The following TEK variants were observed in gnomAD, a reference collection of about 807,000 sequenced individuals.
TEK encodes the protein TEK receptor tyrosine kinase, also known as angiopoietin-1 receptor.
In TEK, 43 loss-of-function variants were observed where a neutral mutation model predicts 131.8. The ratio of observed to expected loss-of-function variants is 0.33; its 90% CI spans 0.26 to 0.42. The LOEUF (loss-of-function observed/expected upper bound fraction) is 0.42, where lower values mean the gene tolerates loss of function less well. TEK is among the 10% of genes least tolerant of loss of function. The probability of loss-of-function intolerance (pLI) is 1.00; values close to 1 mark genes in which losing one functional copy is unlikely to be tolerated. For synonymous variants in TEK, 580 were observed against 491.6 expected (o/e 1.18, Z -2.38); for missense variants, 1,162 against 1,384.4 (o/e 0.84, Z 2.55).
In TEK at chr9:27,197,522, A is replaced by G. The variant is rs1306527531; in HGVS notation, c.1832A>G (p.Tyr611Cys). The change falls in exon 12 of 23, where the codon TAC becomes TGC. Residue 611 changes from tyrosine (Y) to cysteine (C), a missense_variant. Physicochemically the swap from Tyr to Cys is radical, Grantham distance 194. Around this residue, in one of 6 missense-constraint regions of TEK, gnomAD observed 477 missense variants for 471.0 expected, o/e 1.01. Transcript: ENST00000380036. The stretch of plus-strand genomic sequence containing the variant: ...AACAACTTACATCCCAGGGAGCAGT[A>G]CGTGGTCCGAGCTAGAGTCAACACC... ...LLNNLHPREQYVVRARVNTKA... is the reference protein window; with the variant it reads ...LLNNLHPREQCVVRARVNTKA... 1 of 1,614,024 alleles carries G rather than the reference A, an allele frequency of 6.2e-7. No homozygotes were observed. The highest frequency in any genetic ancestry group is 8.5e-7 in the Non-Finnish European group (1 of 1,180,014).
chr9:27,155,945 G>A (rs1287195240), intron 1 of TEK, among the ~76,000 whole-genome samples: 1 of 151,694 alleles, frequency 6.6e-6, no homozygotes, highest in Non-Finnish European at 1.5e-5. Flanking sequence ...TGGGATTACA[G>A]GCACCCACCA....
chr9:27,167,240 A>T (rs594873), intron 2 of TEK, among the ~76,000 whole-genome samples: 123,248 of 150,964 alleles, frequency 0.82, 50,315 homozygotes, highest in African/African-American at 0.88. Context: ...ATTTTATTTT[A>T]TTTTTGAGAC....
At chr9:27,209,011 A>G in intron 15 of TEK, 110 bp from the exon 16 acceptor site, 1 of 741,542 alleles carries the variant, frequency 1.3e-6, no homozygotes, top group Non-Finnish European at 2.4e-6. Context: ...TTGGTTGTAT[A>G]CAGTTGATGG....
chr9:27,216,759 AG>A (rs1259350218), intron 18 of TEK, among the ~76,000 whole-genome samples: 1 of 152,184 alleles, frequency 6.6e-6, no homozygotes, highest in Non-Finnish European at 1.5e-5. Context: ...TGCATGACCT[AG>A]GAGAACACCT....
At chr9:27,223,032 T>TG (rs2131254481) in intron 21 of TEK, among the ~76,000 whole-genome samples, 1 of 152,256 alleles carries the variant, frequency 6.6e-6, no homozygotes, top group Admixed American at 6.5e-5. Context: ...AGAAGGACAT[T>TG]ACATAATGGT....
chr9:27,183,681 G>T, intron 8 of TEK, 71 bp downstream of exon 8: 1 of 1,574,174 alleles, frequency 6.4e-7, no homozygotes. Context: ...CCCACTAAAT[G>T]ATAGATACCA....
intron 1 of TEK, among the ~76,000 whole-genome samples, chr9:27,136,302 A>G (rs1467792168): frequency 6.6e-6 from 1 of 152,032 alleles, no homozygotes; most frequent in Admixed American, 6.6e-5. Context: ...GGCTGGTCTC[A>G]AACACCTGAA....
At chr9:27,116,194 T>C in intron 1 of TEK, among the ~76,000 whole-genome samples, 1 of 152,162 alleles carries the variant, frequency 6.6e-6, no homozygotes, top group Non-Finnish European at 1.5e-5. Context: ...CATTCTGATT[T>C]GGATAATGGT....
At chr9:27,164,438 G>A (rs7037301) in intron 2 of TEK, among the ~76,000 whole-genome samples, 50,460 of 151,200 alleles carry the variant, frequency 0.33, 8,680 homozygotes, top group South Asian at 0.49. Flanking sequence ...TCCTGCCTAA[G>A]CCTCCTGAGT....
intron 17 of TEK, 64 bp from the exon 18 acceptor site, chr9:27,213,420 C>A: frequency 1.6e-6 from 2 of 1,220,308 alleles, no homozygotes; most frequent in South Asian, 1.2e-5. Flanking sequence ...TTCCTGTTCC[C>A]CAAAGTTTTC....
At chr9:27,167,759 T>C (rs930804446) in intron 2 of TEK, among the ~76,000 whole-genome samples, 5 of 152,150 alleles carry the variant, frequency 3.3e-5, no homozygotes, top group Admixed American at 3.3e-4. Flanking sequence ...TCTAAAGCAA[T>C]TAGAATTATT....
chr9:27,140,796 C>T (rs1822697381), intron 1 of TEK, among the ~76,000 whole-genome samples: 1 of 151,870 alleles, frequency 6.6e-6, no homozygotes, highest in East Asian at 1.9e-4. Context: ...TATATTTGAT[C>T]CTATATGATT....
chr9:27,138,633 T>G (rs186123951), intron 1 of TEK, among the ~76,000 whole-genome samples: 1 of 152,312 alleles, frequency 6.6e-6, no homozygotes, highest in Admixed American at 6.5e-5. Flanking sequence ...GTAAGCAAAG[T>G]ATTTGAAACT....
chr9:27,173,081 G>C, intron 5 of TEK, 141 bp from the exon 6 acceptor site: 1 of 1,079,338 alleles, frequency 9.3e-7, no homozygotes, highest in Non-Finnish European at 1.4e-6. Context: ...GGGCCATAAG[G>C]GTATGTTCAT....
chr9:27,194,818 C>T (rs777933372), intron 11 of TEK, among the ~76,000 whole-genome samples: 2 of 151,988 alleles, frequency 1.3e-5, no homozygotes, highest in African/African-American at 2.4e-5. Context: ...CTTTTCATTT[C>T]GTCTGGCAGT....
intron 1 of TEK, among the ~76,000 whole-genome samples, chr9:27,139,231 G>A (rs1173313589): frequency 1.9e-5 from 2 of 107,170 alleles, no homozygotes; most frequent in African/African-American, 7.3e-5. Context: ...AAAAACAGTA[G>A]GATTCTTATT....
chr9:27,225,824 T>C (rs1416433115), intron 21 of TEK, among the ~76,000 whole-genome samples: 1 of 152,156 alleles, frequency 6.6e-6, no homozygotes, highest in East Asian at 1.9e-4. Flanking sequence ...GAGAAAATTT[T>C]TGCAATCTAT....
chr9:27,135,800 T>C (rs17694837), intron 1 of TEK, among the ~76,000 whole-genome samples: 34,070 of 151,924 alleles, frequency 0.22, 4,505 homozygotes, highest in Admixed American at 0.3. Context: ...GAGATAGGCA[T>C]AGCACTGCAC....
chr9:27,119,402 G>C (rs618987), intron 1 of TEK, among the ~76,000 whole-genome samples: 101,379 of 152,080 alleles, frequency 0.67, 34,195 homozygotes, highest in East Asian at 0.92. Context: ...TTAAGATTTG[G>C]TTATAAATGA....
Sources: allele counts gnomAD v4.1 joint callset (sites outside exome capture counted in the v4.1 genomes callset), GRCh38; gene constraint gnomAD v4.1.1; regional missense constraint gnomAD v4.1.1; transcripts MANE v1.5; gene names NCBI Gene and HGNC (gene_info 2026-07-23, HGNC 2026-07-21).